The following MAPK10 variants were observed in gnomAD, a reference collection of about 807,000 sequenced individuals.
The protein encoded by MAPK10 is mitogen-activated protein kinase 10.
In MAPK10, 25 loss-of-function variants were observed where a neutral mutation model predicts 59.3. The ratio of observed to expected loss-of-function variants is 0.42; its 90% CI spans 0.31 to 0.59. The LOEUF (loss-of-function observed/expected upper bound fraction) is 0.59. Among genes scored for constraint, MAPK10 ranks in the 20% least tolerant of loss-of-function variants. MAPK10 has a pLI of 0.15. For synonymous variants in MAPK10, 190 were observed against 200.5 expected (o/e 0.95, Z 0.44); for missense variants, 351 against 568.9 (o/e 0.62, Z 3.90).
intron 1 of MAPK10, among the ~76,000 whole-genome samples, chr4:86,373,634 G>T (rs1553907870): frequency 6.6e-6 from 1 of 152,162 alleles, no homozygotes; most frequent in African/African-American, 2.4e-5. Context: ...CATTTATGCA[G>T]CCAACAAACA....
At chr4:86,085,148 A>T (rs2051506022) in intron 9 of MAPK10, among the ~76,000 whole-genome samples, 1 of 152,246 alleles carries the variant, frequency 6.6e-6, no homozygotes, top group Non-Finnish European at 1.5e-5. Context: ...AATCTTCTTT[A>T]AGAAATCACT....
intron 1 of MAPK10, among the ~76,000 whole-genome samples, chr4:86,579,516 T>C (rs904671798): frequency 6.6e-4 from 96 of 146,292 alleles, no homozygotes; most frequent in Middle Eastern, 7.1e-3. Flanking sequence ...GATATGTGTA[T>C]ACACACACAC....
At chr4:86,559,056 A>G (rs185432670) in intron 1 of MAPK10, among the ~76,000 whole-genome samples, 9 of 152,286 alleles carry the variant, frequency 5.9e-5, no homozygotes, top group African/African-American at 2.2e-4. Context: ...CTATTGCATT[A>G]TACCTCATGT....
intron 4 of MAPK10, among the ~76,000 whole-genome samples, chr4:86,119,251 C>A (rs1410381383): frequency 6.6e-6 from 1 of 152,044 alleles, no homozygotes; most frequent in Non-Finnish European, 1.5e-5. Context: ...TTTTTGAGGG[C>A]CCTACGCACT....
At chr4:86,139,252 T>G (rs2063018556) in intron 4 of MAPK10, among the ~76,000 whole-genome samples, 1 of 148,648 alleles carries the variant, frequency 6.7e-6, no homozygotes, top group Non-Finnish European at 1.5e-5. Context: ...AGAACAAAGC[T>G]GGAGGCATCA....
chr4:86,348,526 A>G (rs536652064), intron 2 of MAPK10, among the ~76,000 whole-genome samples: 49 of 152,284 alleles, frequency 3.2e-4, no homozygotes, highest in African/African-American at 1.1e-3. Context: ...TAGATCCTAC[A>G]GTCATTTAGT....
chr4:86,067,232 C>A (rs1174385357), intron 10 of MAPK10, among the ~76,000 whole-genome samples: 1 of 152,126 alleles, frequency 6.6e-6, no homozygotes, highest in Non-Finnish European at 1.5e-5. Flanking sequence ...ACCTCTTCCT[C>A]CTAGGTTCAA....
chr4:86,204,634 A>C (rs898404678), intron 2 of MAPK10, among the ~76,000 whole-genome samples: 1 of 152,042 alleles, frequency 6.6e-6, no homozygotes, highest in Non-Finnish European at 1.5e-5. Flanking sequence ...TGACAACTTC[A>C]GTTTTGTAAA....
Position 86,013,491 on chromosome 4 carries a change from A to C in MAPK10, c.*3737T>G, listed in dbSNP as rs1742051568. The C allele has an allele frequency of 6.6e-6, 1 of 152,238 alleles. No individual in the cohort carries two copies. The highest frequency in any genetic ancestry group is 1.5e-5 in the Non-Finnish European group (1 of 68,038). 9.4% of individuals were successfully genotyped at this position (152,238 alleles called of 1,614,324 possible). ...TAACATGCCTTACAGAGCATAATGC[A>C]CTTAAGATGTGGCTTTTCATATGTT... On this transcript the variant is annotated 3_prime_UTR_variant, in exon 14 of 14. Coordinates refer to ENST00000641462, the MANE Select transcript of MAPK10 (RefSeq NM_138982.4).
chr4:86,062,681 A>G (rs954330746), intron 11 of MAPK10, among the ~76,000 whole-genome samples: 2 of 152,140 alleles, frequency 1.3e-5, no homozygotes, highest in Admixed American at 6.5e-5. Flanking sequence ...CAGATAATAC[A>G]TATTTATATA....
chr4:86,548,672 A>G (rs2149098828), intron 1 of MAPK10, among the ~76,000 whole-genome samples: 1 of 152,312 alleles, frequency 6.6e-6, no homozygotes, highest in South Asian at 2.1e-4. Flanking sequence ...ACCATGAGCC[A>G]ATTAAACCTC....
Position 86,067,828 on chromosome 4 carries a change from G to C in MAPK10, c.930C>G (p.Pro310=), listed in dbSNP as rs779714501. The C allele has an allele frequency of 8.7e-6, 14 of 1,613,862 alleles. No individual in the cohort carries two copies. The Admixed American group carries it at 2.0e-4, about 23-fold the overall frequency. The change falls in exon 10 of 14, where the codon CCC becomes CCG. Residue 310 remains proline, a synonymous_variant. Coordinates refer to ENST00000641462, the MANE Select transcript of MAPK10 (RefSeq NM_138982.4). ...NRPKYAGLTF[P]KLFPDSLFPA... ...GGAAGAGGGAATCTGGGAAGAGTTT[G>C]GGGAAGGTGAGTCCCGCATACTTGG...
rs1554197801 is a variant in MAPK10 at position 86,311,070 on chromosome 4, A to ACG, written c.-7+43459_-7+43460insCG. On this transcript the variant is annotated intron_variant, in intron 2 of 13. Coordinates refer to ENST00000641462, the MANE Select transcript of MAPK10 (RefSeq NM_138982.4). ...CACACACACACACACACACACACATACATGCACCCCAACAGAGTCAACCAT... is the reference window on the plus strand; with the variant it reads ...CACACACACACACACACACACACATACGCATGCACCCCAACAGAGTCAACCAT... 8.3e-4 allele frequency among the ~76,000 whole-genome samples: 126 copies of ACG among 151,034 alleles called. 1 individual carries two copies. The highest frequency in any genetic ancestry group is 3.0e-3 in the African/African-American group (123 of 40,954).
chr4:86,564,813 G>A (rs1288852289), intron 1 of MAPK10, among the ~76,000 whole-genome samples: 4 of 152,116 alleles, frequency 2.6e-5, no homozygotes, highest in African/African-American at 9.7e-5. Context: ...AATTCTTCAA[G>A]TGTACAATCT....
intron 1 of MAPK10, among the ~76,000 whole-genome samples, chr4:86,529,268 G>A (rs1757694153): frequency 6.6e-6 from 1 of 152,120 alleles, no homozygotes; most frequent in South Asian, 2.1e-4. Flanking sequence ...TTCTCCACAG[G>A]TGAGCCCCTC....
chr4:86,074,573 T>C (rs1422580044), intron 9 of MAPK10, among the ~76,000 whole-genome samples: 2 of 124,550 alleles, frequency 1.6e-5, no homozygotes, highest in Admixed American at 1.5e-4. Flanking sequence ...TCAGGAGCTC[T>C]TTTAGGGCAG....
At chr4:86,047,788 A>G (rs192338163) in intron 11 of MAPK10, among the ~76,000 whole-genome samples, 64 of 152,262 alleles carry the variant, frequency 4.2e-4, no homozygotes, top group South Asian at 3.9e-3. Flanking sequence ...TGTTATAAAT[A>G]TGATAAGAAG....
intron 2 of MAPK10, among the ~76,000 whole-genome samples, chr4:86,201,385 A>G (rs543491708): frequency 6.6e-6 from 1 of 152,006 alleles, no homozygotes; most frequent in East Asian, 1.9e-4. Context: ...TCAGTTTTCT[A>G]AATTTTAATC....
At chr4:86,118,013 G>C (rs1436246859) in intron 4 of MAPK10, 1 of 152,192 alleles carries the variant, frequency 6.6e-6, no homozygotes, top group Non-Finnish European at 1.5e-5. Context: ...GTCATTCAAG[G>C]TAGCCCAGAG....
Sources: gnomAD v4.1 joint callset for allele counts (sites outside exome capture counted in the v4.1 genomes callset) on GRCh38, gnomAD v4.1.1 for gene constraint, MANE v1.5 for transcripts, NCBI Gene and HGNC (gene_info 2026-07-23, HGNC 2026-07-21) for gene names.